Variants in PTPRQ observed in about 807,000 individuals in gnomAD.
PTPRQ encodes phosphatidylinositol phosphatase PTPRQ.
PTPRQ carries 199 observed loss-of-function variants against 246.0 expected under a neutral mutation model. That is an observed-to-expected ratio of 0.81 (90% confidence interval 0.72 to 0.91). The LOEUF is 0.91. Among genes scored for constraint, PTPRQ ranks in the 40% least tolerant of loss-of-function variants. PTPRQ has a pLI of 0.00. For synonymous variants in PTPRQ, 869 were observed against 853.2 expected (o/e 1.02, Z -0.32); for missense variants, 2,624 against 2,528.4 (o/e 1.04, Z -0.81).
At chr12:80,452,982 C>T (rs1046383067) in intron 3 of PTPRQ, among the ~76,000 whole-genome samples, 5 of 152,182 alleles carry the variant, frequency 3.3e-5, no homozygotes, top group African/African-American at 1.2e-4. Flanking sequence ...GTTTCATTCT[C>T]CCCATCACTT....
At chr12:80,640,014 A>G (rs1042288349) in intron 35 of PTPRQ, among the ~76,000 whole-genome samples, 3 of 149,254 alleles carry the variant, frequency 2.0e-5, no homozygotes, top group Admixed American at 1.3e-4. Context: ...TCTCTGAGGT[A>G]TGAAGATACA....
At chr12:80,636,548 G>C (rs1159994039) in intron 35 of PTPRQ, among the ~76,000 whole-genome samples, 1 of 152,086 alleles carries the variant, frequency 6.6e-6, no homozygotes, top group South Asian at 2.1e-4. Flanking sequence ...CCTCAGGCCT[G>C]TGTGGCCCAT....
chr12:80,584,749 A>G (rs1163568366), intron 25 of PTPRQ, among the ~76,000 whole-genome samples: 1 of 152,172 alleles, frequency 6.6e-6, no homozygotes, highest in Non-Finnish European at 1.5e-5. Flanking sequence ...ACCCACGTCA[A>G]TCAAATACAT....
chr12:80,535,902 T>C (rs1347827610), intron 19 of PTPRQ, among the ~76,000 whole-genome samples: 1 of 152,054 alleles, frequency 6.6e-6, no homozygotes, highest in Non-Finnish European at 1.5e-5. Context: ...GGTCAGGAGA[T>C]CGAGATCATC....
chr12:80,453,172 T>C (rs564339842), intron 3 of PTPRQ, among the ~76,000 whole-genome samples: 1 of 152,346 alleles, frequency 6.6e-6, no homozygotes, highest in East Asian at 1.9e-4. Flanking sequence ...TCCTGAGGCT[T>C]CTGCATTCTT....
chr12:80,534,221 A>T (rs1565770085), intron 18 of PTPRQ, 46 bp downstream of exon 18: 8 of 1,073,196 alleles, frequency 7.5e-6, no homozygotes, highest in Non-Finnish European at 8.5e-6. Flanking sequence ...CTTTTTCTTT[A>T]AAAAAAAAAT....
At chr12:80,627,423 G>A (rs954724441) in intron 33 of PTPRQ, among the ~76,000 whole-genome samples, 2 of 150,762 alleles carry the variant, frequency 1.3e-5, no homozygotes, top group African/African-American at 4.9e-5. Context: ...GGGAGGAGGA[G>A]AAGAAGGAGA....
At chr12:80,551,011 T>C (rs1394119813) in intron 25 of PTPRQ, among the ~76,000 whole-genome samples, 1 of 152,148 alleles carries the variant, frequency 6.6e-6, no homozygotes, top group African/African-American at 2.4e-5. Flanking sequence ...TGCCTTCCTC[T>C]TTCAGGGATC....
At chr12:80,578,613 T>C (rs1429241064) in intron 25 of PTPRQ, among the ~76,000 whole-genome samples, 1 of 152,062 alleles carries the variant, frequency 6.6e-6, no homozygotes, top group Non-Finnish European at 1.5e-5. Flanking sequence ...CAGGATGGTC[T>C]GGATCTCGTG....
chr12:80,534,186 G>T lies in PTPRQ; in HGVS notation c.2839+11G>T, dbSNP rs547574387. The T allele has an allele frequency of 4.9e-5, 72 of 1,467,418 alleles. No individual in the cohort carries two copies. Among genetic ancestry groups the T allele is most frequent in the South Asian group, 4.3e-4 (30 of 69,964 alleles). The allele number at this position is 1,467,418 out of a possible 1,614,324, so 90.9% of individuals were successfully genotyped here. A position where few individuals can be genotyped will look rare whatever the true frequency, so the allele number is the denominator to read the frequency against. ...AAACACCAGAGGGAGGTGAGTTAAG[G>T]ATGTATGCCAATTAAAAGAATGTTC... On this transcript the variant is annotated intron_variant, in intron 18 of 44. Coordinates refer to ENST00000644991, the MANE Select transcript of PTPRQ (RefSeq NM_001145026.2).
intron 35 of PTPRQ, among the ~76,000 whole-genome samples, chr12:80,638,267 T>TAAAAAAAA (rs148232481): frequency 7.2e-6 from 1 of 138,610 alleles, no homozygotes; most frequent in Non-Finnish European, 1.6e-5. Context: ...GAAACTCCGT[T>TAAAAAAAA]AAAAAAAAAA....
chr12:80,543,199 T>G (rs1302883046), intron 23 of PTPRQ, among the ~76,000 whole-genome samples: 6 of 152,134 alleles, frequency 3.9e-5, no homozygotes, highest in Non-Finnish European at 8.8e-5. Flanking sequence ...TAAAATGTAT[T>G]TCTATCTATT....
chr12:80,463,100 A>G (rs1394003021), intron 6 of PTPRQ, among the ~76,000 whole-genome samples: 1 of 152,170 alleles, frequency 6.6e-6, no homozygotes, highest in Non-Finnish European at 1.5e-5. Context: ...ACCAAAGGCA[A>G]AGAAGTTGAA....
intron 7 of PTPRQ, among the ~76,000 whole-genome samples, chr12:80,471,877 C>T (rs1169227912): frequency 6.6e-6 from 1 of 152,026 alleles, no homozygotes; most frequent in Non-Finnish European, 1.5e-5. Context: ...TAATAAAAGT[C>T]ATTTTAAGCA....
chr12:80,495,847 G>A (rs1894601140), intron 12 of PTPRQ, among the ~76,000 whole-genome samples, 152 bp from the exon 13 acceptor site: 1 of 151,942 alleles, frequency 6.6e-6, no homozygotes, highest in African/African-American at 2.4e-5. Context: ...AGGCCTATAA[G>A]CCCAAGAATT....
At chr12:80,511,575 A>C (rs972195472) in intron 17 of PTPRQ, among the ~76,000 whole-genome samples, 1 of 152,194 alleles carries the variant, frequency 6.6e-6, no homozygotes, top group Non-Finnish European at 1.5e-5. Flanking sequence ...AAACAAGCAA[A>C]CAAGGGAATG....
chr12:80,653,884 G>A (rs1198143520), intron 38 of PTPRQ, among the ~76,000 whole-genome samples: 2 of 152,124 alleles, frequency 1.3e-5, no homozygotes, highest in Admixed American at 6.6e-5. Flanking sequence ...AGAATAGGAT[G>A]AAAATACAAA....
intron 25 of PTPRQ, among the ~76,000 whole-genome samples, chr12:80,568,506 C>A (rs1487441275): frequency 6.6e-6 from 1 of 152,168 alleles, no homozygotes; most frequent in Non-Finnish European, 1.5e-5. Flanking sequence ...GAACCACTTG[C>A]TTTAATTTCT....
chr12:80,545,922 C>A (rs528012623), intron 23 of PTPRQ, among the ~76,000 whole-genome samples: 4 of 151,630 alleles, frequency 2.6e-5, no homozygotes, highest in African/African-American at 4.8e-5. Flanking sequence ...TGACCATGCA[C>A]AAGTTGGATT....
Sources: allele counts gnomAD v4.1 joint callset (sites outside exome capture counted in the v4.1 genomes callset), GRCh38; gene constraint gnomAD v4.1.1; transcripts MANE v1.5; gene names NCBI Gene and HGNC (gene_info 2026-07-23, HGNC 2026-07-21).